MAML2: variants seen among roughly 807,000 people sequenced by gnomAD.
The protein encoded by MAML2 is mastermind-like protein 2.
In MAML2, 22 loss-of-function variants were observed where a neutral mutation model predicts 96.1. The ratio of observed to expected loss-of-function variants is 0.23; its 90% CI spans 0.16 to 0.33. The LOEUF is 0.33. Ranked by LOEUF, MAML2 falls within the 10% of genes least tolerant of loss-of-function variation. The pLI, the probability that MAML2 is intolerant of heterozygous loss-of-function variation, is 1.00. For missense variants in MAML2, 1,367 were observed against 1,392.4 expected (o/e 0.98, Z 0.29); for synonymous variants, 561 against 521.3 (o/e 1.08, Z -1.04).
chr11:96,140,119 T>C (rs1860708003), intron 1 of MAML2, among the ~76,000 whole-genome samples: 1 of 152,240 alleles, frequency 6.6e-6, no homozygotes, highest in African/African-American at 2.4e-5. Context: ...ATTTTATCCA[T>C]CTTTATCAGC....
At chr11:96,316,687 T>A (rs1863637155) in intron 1 of MAML2, among the ~76,000 whole-genome samples, 1 of 152,210 alleles carries the variant, frequency 6.6e-6, no homozygotes, top group Non-Finnish European at 1.5e-5. Context: ...GATTTTATTC[T>A]AAGTGCAACA....
At position 96,092,246 on chromosome 11, in the gene MAML2, C is replaced by CTGCTGT; in HGVS notation, c.1779_1784dup (p.Gln620_Gln621dup). 6.5e-7 allele frequency: 1 copy of CTGCTGT among 1,543,262 alleles called. No homozygotes were observed. The highest frequency in any genetic ancestry group is 8.7e-7 in the Non-Finnish European group (1 of 1,142,962). ...GCTGCTGCTGCTGCTGCTGCTGCTGCTGCTGTTGCTGCTGTTGCTGTTGGG... is the reference window on the plus strand; with the variant it reads ...GCTGCTGCTGCTGCTGCTGCTGCTGCTGCTGTTGCTGTTGCTGCTGTTGCTGTTGGG... On this transcript the variant is annotated inframe_insertion, in exon 2 of 5. Coordinates refer to ENST00000524717, the MANE Select transcript of MAML2 (RefSeq NM_032427.4). The surrounding 1 kb of genome is among the most constrained non-coding windows in gnomAD (Gnocchi z 4.1).
At chr11:96,008,597 GT>G (rs1191589462) in intron 2 of MAML2, among the ~76,000 whole-genome samples, 1 of 152,096 alleles carries the variant, frequency 6.6e-6, no homozygotes, top group Non-Finnish European at 1.5e-5. Flanking sequence ...TGAAAATATT[GT>G]TATCTAGCCA....
chr11:96,155,037 G>C (rs1229082125), intron 1 of MAML2, among the ~76,000 whole-genome samples: 1 of 152,162 alleles, frequency 6.6e-6, no homozygotes, highest in African/African-American at 2.4e-5. Flanking sequence ...GCAGTGCTCT[G>C]CTATTCCACG....
chr11:96,190,817 A>G (rs1861642075), intron 1 of MAML2, among the ~76,000 whole-genome samples: 1 of 152,182 alleles, frequency 6.6e-6, no homozygotes, highest in Non-Finnish European at 1.5e-5. Context: ...ATGTAACTCA[A>G]GTTATCAAAT....
At chr11:96,054,834 A>G (rs144064329) in intron 2 of MAML2, among the ~76,000 whole-genome samples, 1 of 152,310 alleles carries the variant, frequency 6.6e-6, no homozygotes, top group African/African-American at 2.4e-5. Context: ...TGCATTACAC[A>G]TGAACAGGAA....
chr11:96,119,570 T>C (rs10765790), intron 1 of MAML2, among the ~76,000 whole-genome samples: 73,292 of 152,088 alleles, frequency 0.48, 18,171 homozygotes, highest in Middle Eastern at 0.62. Flanking sequence ...CAATTTGTGG[T>C]AATTTGTTAT....
intron 1 of MAML2, among the ~76,000 whole-genome samples, chr11:96,289,710 T>C (rs1863184420): frequency 6.6e-6 from 1 of 152,222 alleles, no homozygotes; most frequent in African/African-American, 2.4e-5. Flanking sequence ...AATAGAGTAG[T>C]ATGATTACGT....
chr11:96,072,479 G>A (rs1396678419), intron 2 of MAML2, among the ~76,000 whole-genome samples: 1 of 152,062 alleles, frequency 6.6e-6, no homozygotes, highest in African/African-American at 2.4e-5. Flanking sequence ...TATAAAAAGG[G>A]AATAATGATT....
At chr11:96,075,764 G>A in intron 2 of MAML2, among the ~76,000 whole-genome samples, 1 of 152,136 alleles carries the variant, frequency 6.6e-6, no homozygotes, top group East Asian at 1.9e-4. Context: ...CTTTTTCTTT[G>A]TCTTTTCAGG....
intron 2 of MAML2, among the ~76,000 whole-genome samples, chr11:96,070,189 C>T (rs539720985): frequency 1.1e-4 from 17 of 152,034 alleles, no homozygotes; most frequent in African/African-American, 4.1e-4. Context: ...ACTCGGGAGG[C>T]TGAGGCAGGA....
Position 96,341,995 on chromosome 11 carries a change from T to A in MAML2, c.-100A>T. On this transcript the variant is annotated 5_prime_UTR_variant, in exon 1 of 5. Transcript: ENST00000524717. ...TCTGTTTTTGACAATGTGAGCTCAG[T>A]GTTCAGGGCCACATGAATAGAGGTC... 1 of 1,200,578 alleles carries A rather than the reference T, an allele frequency of 8.3e-7. No homozygotes were observed. The highest frequency in any genetic ancestry group is 1.1e-6 in the Non-Finnish European group (1 of 884,938). 74.4% of individuals were successfully genotyped at this position (1,200,578 alleles called of 1,614,324 possible).
At chr11:96,025,807 C>T (rs1858508903) in intron 2 of MAML2, among the ~76,000 whole-genome samples, 1 of 152,128 alleles carries the variant, frequency 6.6e-6, no homozygotes, top group Admixed American at 6.5e-5. Context: ...ATGATCCGCC[C>T]ACCTCAGCCT....
At chr11:96,284,965 T>C (rs1863118325) in intron 1 of MAML2, among the ~76,000 whole-genome samples, 1 of 152,226 alleles carries the variant, frequency 6.6e-6, no homozygotes. Flanking sequence ...TTGTGCCGTA[T>C]ATGGCTGGAT....
intron 1 of MAML2, among the ~76,000 whole-genome samples, chr11:96,285,684 A>C (rs1863128930): frequency 6.6e-6 from 1 of 152,216 alleles, no homozygotes; most frequent in Non-Finnish European, 1.5e-5. Context: ...GACACTCCTC[A>C]GATGAAGACA....
chr11:96,314,535 G>A (rs900838042), intron 1 of MAML2, among the ~76,000 whole-genome samples: 3 of 152,154 alleles, frequency 2.0e-5, no homozygotes, highest in Non-Finnish European at 4.4e-5. Context: ...AGTGCTGCAC[G>A]TATCTAAGAG....
At chr11:96,176,508 T>C (rs1158837439) in intron 1 of MAML2, among the ~76,000 whole-genome samples, 1 of 152,182 alleles carries the variant, frequency 6.6e-6, no homozygotes, top group Non-Finnish European at 1.5e-5. Flanking sequence ...GCGGTGCTGC[T>C]GATGGTCAGT....
intron 1 of MAML2, among the ~76,000 whole-genome samples, chr11:96,120,541 C>T (rs975557553): frequency 8.5e-5 from 13 of 152,190 alleles, no homozygotes; most frequent in Admixed American, 5.2e-4. Context: ...AGTAAGTCTA[C>T]CTCCCAGCTC....
intron 1 of MAML2, among the ~76,000 whole-genome samples, chr11:96,206,677 C>T (rs533192327): frequency 2.8e-4 from 42 of 152,238 alleles, no homozygotes; most frequent in African/African-American, 9.9e-4. Context: ...GCTTTTCAGA[C>T]CTAAAGTAAA....
Sources: gnomAD v4.1 joint callset for allele counts (sites outside exome capture counted in the v4.1 genomes callset) on GRCh38, gnomAD v4.1.1 for gene constraint, Gnocchi (gnomAD v3.1) non-coding constraint, MANE v1.5 for transcripts, NCBI Gene and HGNC (gene_info 2026-07-23, HGNC 2026-07-21) for gene names.